The following SPART variants were observed in gnomAD, a reference collection of about 807,000 sequenced individuals.
SPART encodes the protein spartin.
In SPART, 35 loss-of-function variants were observed where a neutral mutation model predicts 58.7. That is an observed-to-expected ratio of 0.60 (90% confidence interval 0.46 to 0.79). SPART has a LOEUF of 0.79. Among genes scored for constraint, SPART ranks in the 30% least tolerant of loss-of-function variants. The pLI is 0.00. For missense variants in SPART, 730 were observed against 786.1 expected (o/e 0.93, Z 0.85); for synonymous variants, 284 against 280.7 (o/e 1.01, Z -0.12).
chr13:36,314,082 A>T, intron 6 of SPART, 145 bp downstream of exon 6: 1 of 807,860 alleles, frequency 1.2e-6, no homozygotes, highest in Non-Finnish European at 1.9e-6. Flanking sequence ...CGCAGGTCTC[A>T]CTATGAATAA....
intron 1 of SPART, among the ~76,000 whole-genome samples, chr13:36,352,050 G>C (rs1885433189): frequency 6.6e-6 from 1 of 152,118 alleles, no homozygotes; most frequent in Non-Finnish European, 1.5e-5. Context: ...GGGATGACTC[G>C]ATGTAAACTA....
chr13:36,312,139 A>G lies in SPART; in HGVS notation c.1733+6T>C. 1 of 1,610,344 alleles carries G rather than the reference A, an allele frequency of 6.2e-7. No homozygotes were observed. The highest frequency in any genetic ancestry group is 8.5e-7 in the Non-Finnish European group (1 of 1,176,628). ...GATTTAGTCATTAAAATAAAATTCA[A>G]CTTACTTGTATCTGACAGTTTGTAC... On this transcript the variant is annotated splice_donor_region_variant and intron_variant, in intron 8 of 8. Transcript: ENST00000438666.
At chr13:36,317,572 T>A (rs1014555565) in intron 5 of SPART, among the ~76,000 whole-genome samples, 90 of 145,410 alleles carry the variant, frequency 6.2e-4, no homozygotes, top group Admixed American at 6.9e-4. Context: ...CTGCACCCCA[T>A]CCCTTATTTC....
intron 4 of SPART, 23 bp from the exon 5 acceptor site, chr13:36,326,721 A>C (rs775643019): frequency 2.4e-5 from 38 of 1,611,418 alleles, no homozygotes; most frequent in Non-Finnish European, 3.2e-5. Context: ...AATGTTTCAA[A>C]ATGTGAAGAG....
intron 8 of SPART, among the ~76,000 whole-genome samples, chr13:36,310,692 T>C (rs1880999526): frequency 6.6e-6 from 1 of 152,030 alleles, no homozygotes; most frequent in South Asian, 2.1e-4. Flanking sequence ...TGGTCAACAC[T>C]AGAGTCATGT....
At chr13:36,338,098 T>C (rs1236790279) in intron 1 of SPART, among the ~76,000 whole-genome samples, 1 of 152,094 alleles carries the variant, frequency 6.6e-6, no homozygotes, top group Non-Finnish European at 1.5e-5. Flanking sequence ...AGCAATTGGG[T>C]GCCACACTAT....
At chr13:36,307,744 T>C (rs1880661709) in intron 8 of SPART, among the ~76,000 whole-genome samples, 1 of 152,114 alleles carries the variant, frequency 6.6e-6, no homozygotes, top group Non-Finnish European at 1.5e-5. Context: ...ATTATTCCTG[T>C]ATGTCTTCAC....
At chr13:36,346,079 T>C (rs1885082479) in intron 1 of SPART, 146 bp downstream of exon 1, 1 of 152,200 alleles carries the variant, frequency 6.6e-6, no homozygotes, top group Non-Finnish European at 1.5e-5. Context: ...AAATTCCATC[T>C]CTGAGACTCG....
In SPART at chr13:36,302,602, TTTC is replaced by T. The variant is rs1193582401; in HGVS notation, c.*1760_*1762del. ...TTATGTTCCATTATTTGCCATTCCA[TTTC>T]TTTTTAAATTTTTATGGGTACATGG... On this transcript the variant is annotated 3_prime_UTR_variant, in exon 9 of 9. Coordinates refer to ENST00000438666, the MANE Select transcript of SPART (RefSeq NM_015087.5). 2 of 152,194 alleles carry T rather than the reference TTTC, an allele frequency of 1.3e-5. No individual in the cohort carries two copies. The highest frequency in any genetic ancestry group is 3.8e-4 in the East Asian group (2 of 5,200). 9.4% of individuals were successfully genotyped at this position (152,194 alleles called of 1,614,324 possible). A position where few individuals can be genotyped will look rare whatever the true frequency, so the allele number is the denominator to read the frequency against.
At chr13:36,354,662 T>A (rs1340124263) in intron 1 of SPART, among the ~76,000 whole-genome samples, 1 of 152,214 alleles carries the variant, frequency 6.6e-6, no homozygotes, top group African/African-American at 2.4e-5. Flanking sequence ...TGTGCACCTT[T>A]TCCCATTGCT....
At chr13:36,322,746 T>TAAA (rs761239885) in intron 5 of SPART, among the ~76,000 whole-genome samples, 1 of 152,202 alleles carries the variant, frequency 6.6e-6, no homozygotes, top group Non-Finnish European at 1.5e-5. Flanking sequence ...CGTAGTCCTC[T>TAAA]AAAAACCTAG....
upstream of SPART, among the ~76,000 whole-genome samples, chr13:36,350,813 T>C (rs1186848912): frequency 6.6e-6 from 1 of 152,208 alleles, no homozygotes; most frequent in Non-Finnish European, 1.5e-5. Flanking sequence ...GAGCTGTGTA[T>C]TTCTTGCATA....
intron 1 of SPART, among the ~76,000 whole-genome samples, chr13:36,353,533 T>G (rs540610979): frequency 6.6e-6 from 1 of 151,934 alleles, no homozygotes; most frequent in East Asian, 1.9e-4. Flanking sequence ...GGTAAAAGGG[T>G]GTTAGAAAGG....
At chr13:36,340,198 T>C (rs1198116496) in intron 1 of SPART, among the ~76,000 whole-genome samples, 5 of 151,626 alleles carry the variant, frequency 3.3e-5, no homozygotes, top group Non-Finnish European at 5.9e-5. Context: ...CTGTCTCTAC[T>C]AAAAATACAA....
intron 8 of SPART, among the ~76,000 whole-genome samples, chr13:36,305,912 A>C (rs1880464575): frequency 3.3e-5 from 5 of 152,166 alleles, no homozygotes. Context: ...ATCTTATATA[A>C]CACTAGATCT....
intron 1 of SPART, among the ~76,000 whole-genome samples, chr13:36,344,232 C>T (rs1033791275): frequency 6.6e-6 from 1 of 151,828 alleles, no homozygotes; most frequent in South Asian, 2.1e-4. Flanking sequence ...AAAGTAGAAG[C>T]GAGGCATAAT....
intron 1 of SPART, among the ~76,000 whole-genome samples, chr13:36,361,428 G>A (rs529172584): frequency 6.6e-6 from 1 of 152,234 alleles, no homozygotes; most frequent in East Asian, 1.9e-4. Context: ...TTTTGAGACA[G>A]AGTTTCCCTC....
chr13:36,327,919 G>A (rs1385585461), intron 4 of SPART, among the ~76,000 whole-genome samples: 2 of 152,122 alleles, frequency 1.3e-5, no homozygotes, highest in African/African-American at 2.4e-5. Flanking sequence ...GCTTGAACCC[G>A]GGAGGCGGAG....
At chr13:36,341,658 C>A (rs1190421227) in intron 1 of SPART, among the ~76,000 whole-genome samples, 1 of 152,158 alleles carries the variant, frequency 6.6e-6, no homozygotes, top group Non-Finnish European at 1.5e-5. Context: ...TATGAAAGCA[C>A]AGAAGCATCA....
Sources: allele counts gnomAD v4.1 joint callset (sites outside exome capture counted in the v4.1 genomes callset), GRCh38; gene constraint gnomAD v4.1.1; transcripts MANE v1.5; gene names NCBI Gene and HGNC (gene_info 2026-07-23, HGNC 2026-07-21).